Variants in NCOA2 observed in about 807,000 individuals in gnomAD.
NCOA2 encodes the protein class E basic helix-loop-helix protein 75.
NCOA2 carries 21 observed loss-of-function variants against 145.1 expected under a neutral mutation model. That is an observed-to-expected ratio of 0.14 (90% CI 0.10 to 0.21). The LOEUF (loss-of-function observed/expected upper bound fraction) is 0.21, where lower values mean the gene tolerates loss of function less well. Among genes scored for constraint, NCOA2 ranks in the 10% least tolerant of loss-of-function variants. NCOA2 has a pLI of 1.00. For synonymous variants in NCOA2, 619 were observed against 637.5 expected, an observed-to-expected ratio of 0.97 and a Z score of 0.44; for missense variants, 1,472 against 1,837.6, an observed-to-expected ratio of 0.80 and a Z score of 3.64.
At chr8:70,400,580 T>C (rs1814142531) in intron 1 of NCOA2, among the ~76,000 whole-genome samples, 1 of 152,198 alleles carries the variant, frequency 6.6e-6, no homozygotes. Context: ...GTTTTGAATG[T>C]TGTCAAATTT....
chr8:70,360,236 C>T (rs899510410), intron 1 of NCOA2, among the ~76,000 whole-genome samples: 4 of 152,098 alleles, frequency 2.6e-5, no homozygotes, highest in Admixed American at 2.0e-4. Flanking sequence ...GCAAGAAAAC[C>T]GTTGATTTGT....
chr8:70,135,379 T>G (rs1809617694), intron 15 of NCOA2, among the ~76,000 whole-genome samples: 1 of 152,160 alleles, frequency 6.6e-6, no homozygotes, highest in Non-Finnish European at 1.5e-5. Flanking sequence ...ATCCTCTACC[T>G]CTTTTTGGCC....
chr8:70,333,917 T>G (rs1807322909), intron 1 of NCOA2, among the ~76,000 whole-genome samples: 1 of 152,158 alleles, frequency 6.6e-6, no homozygotes, highest in Non-Finnish European at 1.5e-5. Flanking sequence ...CTTCCTTCCT[T>G]CCACTATTTC....
intron 2 of NCOA2, chr8:70,273,771 G>A (rs1586330534): frequency 1.7e-6 from 1 of 594,308 alleles, no homozygotes; most frequent in East Asian, 4.0e-5. Flanking sequence ...TACTACTGGA[G>A]AGAATGATGA....
At chr8:70,175,130 C>T (rs1262868593) in intron 4 of NCOA2, among the ~76,000 whole-genome samples, 1 of 152,206 alleles carries the variant, frequency 6.6e-6, no homozygotes, top group Admixed American at 6.5e-5. Context: ...CAGTCCCCAA[C>T]AGGCATTTTT....
At chr8:70,358,042 C>T (rs1809888433) in intron 1 of NCOA2, among the ~76,000 whole-genome samples, 1 of 151,830 alleles carries the variant, frequency 6.6e-6, no homozygotes, top group African/African-American at 2.4e-5. Flanking sequence ...CAAAGCGAGA[C>T]TCAGTCGCAA....
chr8:70,239,663 T>C (rs933143216), intron 2 of NCOA2, among the ~76,000 whole-genome samples: 1 of 152,184 alleles, frequency 6.6e-6, no homozygotes, highest in Non-Finnish European at 1.5e-5. Context: ...AGGGATGGCT[T>C]GGCACAAAAG....
chr8:70,342,444 C>T (rs1048841078), intron 1 of NCOA2, among the ~76,000 whole-genome samples: 2 of 151,946 alleles, frequency 1.3e-5, no homozygotes, highest in Non-Finnish European at 2.9e-5. Context: ...AAAAATATTG[C>T]CTTTTGTTCC....
chr8:70,294,565 T>C (rs1826939102), intron 2 of NCOA2, among the ~76,000 whole-genome samples: 1 of 152,184 alleles, frequency 6.6e-6, no homozygotes, highest in African/African-American at 2.4e-5. Flanking sequence ...CAATTACAAG[T>C]TAAGGTCTCC....
At chr8:70,230,170 G>A (rs573916718) in intron 2 of NCOA2, among the ~76,000 whole-genome samples, 35 of 152,258 alleles carry the variant, frequency 2.3e-4, no homozygotes, top group African/African-American at 7.9e-4. Flanking sequence ...TCTAAATGAC[G>A]TTTCCAGCAG....
chr8:70,303,353 G>C (rs1827647844), intron 1 of NCOA2, among the ~76,000 whole-genome samples: 1 of 152,178 alleles, frequency 6.6e-6, no homozygotes, highest in African/African-American at 2.4e-5. Context: ...AGGAAGACCA[G>C]CAAAGACAAG....
intron 2 of NCOA2, among the ~76,000 whole-genome samples, chr8:70,237,466 T>C (rs897218453): frequency 4.6e-5 from 7 of 151,550 alleles, no homozygotes; most frequent in African/African-American, 1.7e-4. Context: ...TAGTTTTGTA[T>C]CTGTTAAAAT....
At chr8:70,270,178 T>C (rs1824934524) in intron 2 of NCOA2, among the ~76,000 whole-genome samples, 1 of 150,012 alleles carries the variant, frequency 6.7e-6, no homozygotes, top group South Asian at 2.1e-4. Flanking sequence ...TGAGACCTTG[T>C]CTCAAAAAAC....
intron 4 of NCOA2, among the ~76,000 whole-genome samples, chr8:70,175,187 C>G (rs1814690031): frequency 6.6e-6 from 1 of 152,192 alleles, no homozygotes; most frequent in Non-Finnish European, 1.5e-5. Flanking sequence ...TTAATTTCTA[C>G]TCAGGAGATT....
chr8:70,234,433 C>A lies in NCOA2; in HGVS notation c.-19-17669G>T, dbSNP rs78967256. ...CTATGTTTAACTTTTTGAAGAAATG[C>A]GAAACTACTTCCCAAACTTGCTACA... On this transcript the variant is annotated intron_variant, in intron 2 of 22. Transcript: ENST00000452400. Among the ~76,000 whole-genome samples, 567 of 152,216 alleles carry A rather than the reference C, an allele frequency of 3.7e-3. 7 individuals are homozygous for A. The highest frequency in any genetic ancestry group is 0.013 in the African/African-American group (551 of 41,542).
the NCOA2 span, among the ~76,000 whole-genome samples, chr8:70,411,393 T>C: frequency 1.3e-5 from 2 of 152,192 alleles, no homozygotes; most frequent in South Asian, 2.1e-4. Context: ...CTACAAACTA[T>C]TAGAATTAAA....
At chr8:70,207,097 C>G (rs1439834686) in intron 4 of NCOA2, among the ~76,000 whole-genome samples, 1 of 152,058 alleles carries the variant, frequency 6.6e-6, no homozygotes, top group Non-Finnish European at 1.5e-5. Context: ...TGGCAAATAA[C>G]CATACGTTTT....
At chr8:70,136,855 C>T (rs1171752636) in intron 15 of NCOA2, among the ~76,000 whole-genome samples, 1 of 152,202 alleles carries the variant, frequency 6.6e-6, no homozygotes. Flanking sequence ...AAAGCTGGTT[C>T]TAAGTTTCTT....
intron 1 of NCOA2, among the ~76,000 whole-genome samples, chr8:70,390,806 T>C (rs771465268): frequency 1.5e-4 from 23 of 151,812 alleles, no homozygotes; most frequent in Admixed American, 3.3e-4. Flanking sequence ...CATACATACA[T>C]ACACACACAC....
Sources: allele counts gnomAD v4.1 joint callset (sites outside exome capture counted in the v4.1 genomes callset), GRCh38; gene constraint gnomAD v4.1.1; transcripts MANE v1.5; gene names NCBI Gene and HGNC (gene_info 2026-07-23, HGNC 2026-07-21).